The following ANXA11 variants were observed in gnomAD, a reference collection of about 807,000 sequenced individuals.
ANXA11 encodes annexin A11.
A neutral mutation model predicts 64.7 loss-of-function variants in ANXA11; 57 were observed. The observed-to-expected ratio is 0.88, with a 90% confidence interval of 0.71 to 1.10. The LOEUF (loss-of-function observed/expected upper bound fraction) is 1.10, where lower values mean the gene tolerates loss of function less well. ANXA11 is among the 50% of genes least tolerant of loss of function. ANXA11 has a pLI of 0.00. For missense variants in ANXA11, 675 were observed against 670.7 expected, an observed-to-expected ratio of 1.01 and a Z score of -0.07; for synonymous variants, 260 against 265.2, an observed-to-expected ratio of 0.98 and a Z score of 0.19.
intron 13 of ANXA11, among the ~76,000 whole-genome samples, chr10:80,158,326 A>C (rs1180510037): frequency 1.3e-5 from 2 of 152,116 alleles, no homozygotes; most frequent in South Asian, 2.1e-4. Flanking sequence ...ACAGGGAAGC[A>C]ATGTGGATGG....
chr10:80,202,293 A>G (rs1030717284), intron 1 of ANXA11, among the ~76,000 whole-genome samples: 2 of 151,904 alleles, frequency 1.3e-5, no homozygotes, highest in African/African-American at 4.8e-5. Flanking sequence ...GCCCCCACCC[A>G]TTCCTTCCTC....
chr10:80,201,298 C>G lies in ANXA11; in HGVS notation c.-58+4045G>C, dbSNP rs147934539. Among the ~76,000 whole-genome samples the G allele has an allele frequency of 4.2e-3, 632 of 152,262 alleles. 7 individuals are homozygous for G. Among genetic ancestry groups the G allele is most frequent in the African/African-American group, 0.014 (601 of 41,550 alleles). ...TACAACTCTGTCCTGGCTTTCTGGG[C>G]CCCTCTCAGGTCGCTCTTTTTCTGG... On this transcript the variant is annotated intron_variant, in intron 1 of 15. Transcript: ENST00000422982.
rs1349786865 is a variant in ANXA11 at position 80,155,859 on chromosome 10, A to T, written c.1512T>A (p.Asn504Lys). The T allele has an allele frequency of 1.5e-5, 24 of 1,614,124 alleles. No individual in the cohort carries two copies. The highest frequency in any genetic ancestry group is 2.0e-5 in the Non-Finnish European group (24 of 1,180,042). The change falls in exon 16 of 16, where the codon AAT becomes AAA. Residue 504 changes from asparagine to lysine, a missense_variant. Transcript: ENST00000422982. ...RKILLKICGG[N>K]D is the part of the protein sequence containing the mutation. ...GTGAGCCACCAGTCACTGTTCAGTC[A>T]TTGCCACCACAGATCTTCAGCAGAA...
Position 80,157,871 on chromosome 10 carries a change from G to C in ANXA11, c.1335+96C>G, listed in dbSNP as rs113046621. Reference sequence around the variant, plus strand: ...CCAGGTCCTCGGAACTCTCAGCTGAGATTTAGCTCTCCCCAGGCCTTCTGC... The same window carrying C: ...CCAGGTCCTCGGAACTCTCAGCTGACATTTAGCTCTCCCCAGGCCTTCTGC... On this transcript the variant is annotated intron_variant, in intron 14 of 15. Coordinates refer to ENST00000422982, the MANE Select transcript of ANXA11 (RefSeq NM_145868.2). The C allele has an allele frequency of 1.3e-4, 213 of 1,590,388 alleles. 3 individuals are homozygous for C. In the African/African-American group the frequency reaches 2.2e-3, roughly 16 times the overall value.
intron 12 of ANXA11, 144 bp from the exon 13 acceptor site, chr10:80,159,339 T>A: frequency 1.5e-6 from 1 of 653,178 alleles, no homozygotes; most frequent in South Asian, 1.8e-5. Context: ...TAAAACATGC[T>A]GCTAGGGTGT....
At position 80,170,931 on chromosome 10, in the gene ANXA11, A is replaced by G; in HGVS notation, c.56-16T>C. ...GGACCACCACCTGAAAGCAACACCA[A>G]GCCCTTTAGCCCCCTGCCAGTCCCC... On this transcript the variant is annotated splice_polypyrimidine_tract_variant and intron_variant, in intron 3 of 15. Transcript: ENST00000422982. 6.3e-7 allele frequency: 1 copy of G among 1,579,414 alleles called. No individual in the cohort carries two copies. Among genetic ancestry groups the G allele is most frequent in the Admixed American group, 1.8e-5 (1 of 54,792 alleles).
chr10:80,172,505 T>C (rs34523152), intron 3 of ANXA11, among the ~76,000 whole-genome samples: 6,298 of 152,016 alleles, frequency 0.041, 170 homozygotes, highest in Non-Finnish European at 0.066. Flanking sequence ...GAAAACTGAG[T>C]CTCAAAGTGA....
In ANXA11 at chr10:80,166,077, T is replaced by G; in HGVS notation, c.858+7A>C. The G allele has an allele frequency of 5.3e-6, 7 of 1,313,428 alleles. No individual in the cohort carries two copies. Among genetic ancestry groups the G allele is most frequent in the Non-Finnish European group, 7.4e-6 (7 of 942,322 alleles). 81.4% of individuals were successfully genotyped at this position (1,313,428 alleles called of 1,614,324 possible). A position where few individuals can be genotyped will look rare whatever the true frequency, so the allele number is the denominator to read the frequency against. On this transcript the variant is annotated splice_region_variant and intron_variant, in intron 8 of 15. Coordinates refer to ENST00000422982, the MANE Select transcript of ANXA11 (RefSeq NM_145868.2). ...ACACACACACACACACACACACACG[T>G]ACACACCTTGATGGCTTCCTTTATC... is the stretch of plus-strand genomic sequence containing the variant.
chr10:80,176,338 AG>A (rs1846167737), intron 1 of ANXA11, among the ~76,000 whole-genome samples, 183 bp from the exon 2 acceptor site: 1 of 152,218 alleles, frequency 6.6e-6, no homozygotes, highest in African/African-American at 2.4e-5. Flanking sequence ...TTATTAATCA[AG>A]GTGCAGTACT....
chr10:80,188,562 A>T (rs1846639502), intron 1 of ANXA11, among the ~76,000 whole-genome samples: 1 of 147,562 alleles, frequency 6.8e-6, no homozygotes, highest in Non-Finnish European at 1.5e-5. Flanking sequence ...ATTTTAACTT[A>T]GTCCCTAGGA....
Position 80,152,184 on chromosome 10 carries a change from G to A in ANXA11, c.*3669C>T, listed in dbSNP as rs1589408503. 4 of 152,354 alleles carry A rather than the reference G, an allele frequency of 2.6e-5. No individual in the cohort carries two copies. The highest frequency in any genetic ancestry group is 2.6e-4 in the Admixed American group (4 of 15,302). 9.4% of individuals were successfully genotyped at this position (152,354 alleles called of 1,614,324 possible). A position where few individuals can be genotyped will look rare whatever the true frequency, so the allele number is the denominator to read the frequency against. On this transcript the variant is annotated 3_prime_UTR_variant, in exon 16 of 16. Coordinates refer to ENST00000422982, the MANE Select transcript of ANXA11 (RefSeq NM_145868.2). ...TTTTAGAAGTCAGACTAGATGTGTA[G>A]CATGGACTGGCCTTGACTAACATAT...
intron 1 of ANXA11, among the ~76,000 whole-genome samples, chr10:80,193,161 T>C (rs1846843344): frequency 6.6e-6 from 1 of 152,176 alleles, no homozygotes; most frequent in Non-Finnish European, 1.5e-5. Context: ...AGGATTGTAC[T>C]CCTAATGTGT....
rs377305528 is a variant in ANXA11, at chr10:80,198,483, G to A, written c.-58+6860C>T. ...GGTGCTACCCAACATGTGGCCCGGC[G>A]GCATTATACAATATGGGAGCCTGTA... On this transcript the variant is annotated intron_variant, in intron 1 of 15. Transcript: ENST00000422982. 1.1e-3 allele frequency among the ~76,000 whole-genome samples: 163 copies of A among 152,300 alleles called. 3 individuals carry two copies. The South Asian group carries it at 0.03, about 28-fold the overall frequency.
At chr10:80,188,627 C>A (rs866950777) in intron 1 of ANXA11, among the ~76,000 whole-genome samples, 1 of 151,600 alleles carries the variant, frequency 6.6e-6, no homozygotes, top group Non-Finnish European at 1.5e-5. Flanking sequence ...GCTGTGTGAC[C>A]CCCCTGGGCA....
In ANXA11 at chr10:80,164,556, A is replaced by G. The variant is rs181527841; in HGVS notation, c.859-413T>C. On this transcript the variant is annotated intron_variant, in intron 8 of 15. Coordinates refer to ENST00000422982, the MANE Select transcript of ANXA11 (RefSeq NM_145868.2). Reference sequence around the variant, plus strand: ...AGAGAGATCCAAGTGGACATACGAAACCCTGGTCCTAGAGGGGATGGTGGA... The same window carrying G: ...AGAGAGATCCAAGTGGACATACGAAGCCCTGGTCCTAGAGGGGATGGTGGA... 2.6e-5 allele frequency among the ~76,000 whole-genome samples: 4 copies of G among 152,328 alleles called. No individual in the cohort carries two copies. The East Asian group carries it at 7.7e-4, about 29-fold the overall frequency.
chr10:80,162,118 G>A (rs1845539585), intron 11 of ANXA11, 90 bp from the exon 12 acceptor site: 1 of 1,136,674 alleles, frequency 8.8e-7, no homozygotes, highest in East Asian at 2.5e-5. Context: ...ACTTCTGAAG[G>A]TTTGAGCCTA....
chr10:80,162,090 C>T lies in ANXA11; in HGVS notation c.1087-62G>A, dbSNP rs1017512651. 2.2e-6 allele frequency: 3 copies of T among 1,375,110 alleles called. No individual in the cohort carries two copies. The African/African-American group carries it at 4.3e-5, about 20-fold the overall frequency. The allele number at this position is 1,375,110 out of a possible 1,614,324, so 85.2% of individuals were successfully genotyped here. ...ACACCCAGACCCCAGGCCCAGGTCA[C>T]CCAGGAGAGCCTGGTAAACTTCTGA... is the stretch of plus-strand genomic sequence containing the variant. On this transcript the variant is annotated intron_variant, in intron 11 of 15. Transcript: ENST00000422982.
intron 2 of ANXA11, among the ~76,000 whole-genome samples, chr10:80,174,030 A>C: frequency 6.6e-6 from 1 of 152,190 alleles, no homozygotes; most frequent in East Asian, 1.9e-4. Flanking sequence ...GCTGCCCTTC[A>C]TATCTATCTT....
Position 80,200,950 on chromosome 10 carries a change from C to T in ANXA11, c.-58+4393G>A, listed in dbSNP as rs184628430. Among the ~76,000 whole-genome samples, 31 of 152,258 alleles carry T rather than the reference C, an allele frequency of 2.0e-4. No homozygotes were observed. In the East Asian group the frequency reaches 2.1e-3, roughly 10 times the overall value. ...CTAGGTCTGCCTGAGCACGGAGCGC[C>T]GTGGGGAGGGATGTCAGTGGCAGGC... On this transcript the variant is annotated intron_variant, in intron 1 of 15. Transcript: ENST00000422982.
Sources: gnomAD v4.1 joint callset for allele counts (sites outside exome capture counted in the v4.1 genomes callset) on GRCh38, gnomAD v4.1.1 for gene constraint, MANE v1.5 for transcripts, NCBI Gene and HGNC (gene_info 2026-07-23, HGNC 2026-07-21) for gene names.